CAMK2D: variants seen among roughly 807,000 people sequenced by gnomAD.
CAMK2D encodes the protein calcium/calmodulin dependent protein kinase II delta.
In CAMK2D, 37 loss-of-function variants were observed where a neutral mutation model predicts 84.0. That is an observed-to-expected ratio of 0.44 (90% CI 0.34 to 0.58). The LOEUF is 0.58. CAMK2D is among the 20% of genes least tolerant of loss of function. The probability of loss-of-function intolerance (pLI) is 0.02; values close to 1 mark genes in which losing one functional copy is unlikely to be tolerated. For missense variants in CAMK2D, 448 were observed against 652.5 expected (o/e 0.69, Z 3.41); for synonymous variants, 202 against 212.5 (o/e 0.95, Z 0.43).
chr4:113,574,755 G>A (rs1292425456), intron 4 of CAMK2D, among the ~76,000 whole-genome samples: 2 of 152,154 alleles, frequency 1.3e-5, no homozygotes, highest in Admixed American at 6.6e-5. Context: ...CTCTGTTGAC[G>A]TCAGTGGAAA....
rs77271240 is a variant in CAMK2D, at chr4:113,576,790, A to G, written c.276-24694T>C. 5.9e-3 allele frequency among the ~76,000 whole-genome samples: 901 copies of G among 152,224 alleles called. 19 individuals are homozygous for G. The highest frequency in any genetic ancestry group is 6.7e-3 in the Non-Finnish European group (455 of 67,994). On this transcript the variant is annotated intron_variant, in intron 4 of 20. Transcript: ENST00000511664. Reference sequence around the variant, plus strand: ...TTGTTAACTACATGTTTTAATTTAGACGGTACCAACTGACATCCTGCCTTC... The same window carrying G: ...TTGTTAACTACATGTTTTAATTTAGGCGGTACCAACTGACATCCTGCCTTC...
intron 4 of CAMK2D, among the ~76,000 whole-genome samples, chr4:113,588,942 T>C (rs1251556367): frequency 6.6e-6 from 1 of 151,466 alleles, no homozygotes; most frequent in East Asian, 1.9e-4. Flanking sequence ...AGAAAGCAGA[T>C]CAACTTTTAG....
intron 4 of CAMK2D, among the ~76,000 whole-genome samples, chr4:113,571,894 G>A (rs1041387065): frequency 6.6e-5 from 10 of 152,160 alleles, no homozygotes; most frequent in Admixed American, 2.6e-4. Context: ...GACTGCACTA[G>A]AGAAGTGTGA....
chr4:113,753,899 T>A (rs927691069), intron 2 of CAMK2D: 1 of 984,704 alleles, frequency 1.0e-6, no homozygotes. Flanking sequence ...GCAGAAATAA[T>A]CTTGTCCTCC....
chr4:113,755,199 C>CACACAA (rs2099625866), intron 2 of CAMK2D: 2 of 269,694 alleles, frequency 7.4e-6, no homozygotes, highest in Non-Finnish European at 1.1e-5. Flanking sequence ...CACACACACA[C>CACACAA]ACACACACAA....
intron 2 of CAMK2D, among the ~76,000 whole-genome samples, chr4:113,728,276 A>G (rs911418268): frequency 6.6e-6 from 1 of 152,182 alleles, no homozygotes; most frequent in Admixed American, 6.5e-5. Context: ...GGTGAAATGG[A>G]CCTATATTGA....
At chr4:113,670,515 G>A (rs1053964172) in intron 2 of CAMK2D, among the ~76,000 whole-genome samples, 5 of 151,902 alleles carry the variant, frequency 3.3e-5, no homozygotes, top group Non-Finnish European at 5.9e-5. Context: ...ATAGAGGACT[G>A]ATGAGATAAA....
intron 2 of CAMK2D, among the ~76,000 whole-genome samples, chr4:113,693,418 T>G (rs2099394089): frequency 6.6e-6 from 1 of 152,166 alleles, no homozygotes; most frequent in African/African-American, 2.4e-5. Flanking sequence ...TATTGGTAGC[T>G]TCAGTTAAGA....
At chr4:113,626,031 A>G (rs1407921088) in intron 3 of CAMK2D, among the ~76,000 whole-genome samples, 1 of 151,548 alleles carries the variant, frequency 6.6e-6, no homozygotes. Context: ...AAAAAAAGTC[A>G]GGTAAAAGAT....
In CAMK2D at chr4:113,465,482, AT is replaced by A. The variant is rs769725918; in HGVS notation, c.1211+46del. ...GTTGAATAATGCATTCATATAAAAA[AT>A]ATATTTACCATATGCATGAAAGCAA... On this transcript the variant is annotated intron_variant, in intron 17 of 20. Transcript: ENST00000511664. The A allele has an allele frequency of 2.0e-4, 215 of 1,076,816 alleles. 2 individuals carry two copies. In the Middle Eastern group the frequency reaches 3.7e-3, roughly 18 times the overall value. The allele number at this position is 1,076,816 out of a possible 1,614,324, so 66.7% of individuals were successfully genotyped here. A position where few individuals can be genotyped will look rare whatever the true frequency, so the allele number is the denominator to read the frequency against.
intron 3 of CAMK2D, among the ~76,000 whole-genome samples, chr4:113,642,019 TAAAAATAATA>T (rs1189209477): frequency 2.0e-5 from 3 of 151,636 alleles, no homozygotes; most frequent in Non-Finnish European, 2.9e-5. Flanking sequence ...TAAAAAAATT[TAAAAATAATA>T]AAAAATAATA....
intron 4 of CAMK2D, among the ~76,000 whole-genome samples, chr4:113,565,599 C>T (rs183359686): frequency 7.9e-4 from 118 of 149,130 alleles, no homozygotes; most frequent in African/African-American, 2.7e-3. Flanking sequence ...TGCAGTGAGC[C>T]GAGATCATGC....
At chr4:113,475,756 C>T (rs981292597) in intron 16 of CAMK2D, among the ~76,000 whole-genome samples, 20 of 152,228 alleles carry the variant, frequency 1.3e-4, no homozygotes, top group Admixed American at 6.5e-5. Context: ...GCAGCATCTC[C>T]GATCATTGTA....
At chr4:113,651,131 G>A (rs1352440941) in intron 3 of CAMK2D, among the ~76,000 whole-genome samples, 1 of 152,142 alleles carries the variant, frequency 6.6e-6, no homozygotes, top group African/African-American at 2.4e-5. Context: ...AGTGAAAAAC[G>A]TGAAAGAATA....
Position 113,452,427 on chromosome 4 carries a change from C to T in CAMK2D, c.*2118G>A, listed in dbSNP as rs2097263960. 1 of 152,514 alleles carries T rather than the reference C, an allele frequency of 6.6e-6. No homozygotes were observed. The highest frequency in any genetic ancestry group is 2.1e-4 in the South Asian group (1 of 4,834). 9.4% of individuals were successfully genotyped at this position (152,514 alleles called of 1,614,324 possible). A position where few individuals can be genotyped will look rare whatever the true frequency, so the allele number is the denominator to read the frequency against. On this transcript the variant is annotated 3_prime_UTR_variant, in exon 21 of 21. Transcript: ENST00000511664. ...AGATGGACGCACTGTCAGCAGAAATCACAAATTTATTAACTCTTAAATATA... is the reference window on the plus strand; with the variant it reads ...AGATGGACGCACTGTCAGCAGAAATTACAAATTTATTAACTCTTAAATATA...
intron 2 of CAMK2D, among the ~76,000 whole-genome samples, chr4:113,684,910 C>T (rs993848758): frequency 6.6e-6 from 1 of 152,180 alleles, no homozygotes; most frequent in African/African-American, 2.4e-5. Flanking sequence ...CCACTGGAGG[C>T]AGTGCATTCC....
chr4:113,517,402 T>C (rs962137869), intron 9 of CAMK2D, among the ~76,000 whole-genome samples, 161 bp downstream of exon 9: 8 of 152,190 alleles, frequency 5.3e-5, no homozygotes, highest in African/African-American at 1.7e-4. Flanking sequence ...GTAAACTGGA[T>C]ACAAATGCTG....
chr4:113,627,406 G>A (rs1192804342), intron 3 of CAMK2D, among the ~76,000 whole-genome samples: 1 of 152,090 alleles, frequency 6.6e-6, no homozygotes, highest in Non-Finnish European at 1.5e-5. Flanking sequence ...GTTCCTGGGG[G>A]AAATACAGGG....
intron 2 of CAMK2D, among the ~76,000 whole-genome samples, chr4:113,721,595 T>C (rs1279861802): frequency 6.6e-6 from 1 of 152,166 alleles, no homozygotes; most frequent in Non-Finnish European, 1.5e-5. Context: ...TGGGACTCCA[T>C]GGTTGGTATA....
Sources: allele counts gnomAD v4.1 joint callset (sites outside exome capture counted in the v4.1 genomes callset), GRCh38; gene constraint gnomAD v4.1.1; transcripts MANE v1.5; gene names NCBI Gene and HGNC (gene_info 2026-07-23, HGNC 2026-07-21).